Variants in IL18 observed in about 807,000 individuals in gnomAD.
IL18 encodes the protein interleukin 18.
A neutral mutation model predicts 14.2 loss-of-function variants in IL18; 8 were observed. The ratio of observed to expected loss-of-function variants is 0.56; its 90% CI spans 0.33 to 1.01. The LOEUF (loss-of-function observed/expected upper bound fraction) is 1.01, where lower values mean the gene tolerates loss of function less well. IL18 is among the 50% of genes least tolerant of loss of function. The probability of loss-of-function intolerance (pLI) is 0.03; values close to 1 mark genes in which losing one functional copy is unlikely to be tolerated. For missense variants in IL18, 166 were observed against 231.1 expected (o/e 0.72, Z 1.83); for synonymous variants, 67 against 71.0 (o/e 0.94, Z 0.28).
intron 5 of IL18, among the ~76,000 whole-genome samples, 196 bp downstream of exon 5, chr11:112,148,407 A>G (rs1866377737): frequency 6.6e-6 from 1 of 152,168 alleles, no homozygotes; most frequent in South Asian, 2.1e-4. Context: ...ATAGGTAAAG[A>G]GTTTGATAAT....
chr11:112,158,631 T>A (rs1866576304), intron 1 of IL18, among the ~76,000 whole-genome samples: 1 of 143,630 alleles, frequency 7.0e-6, no homozygotes, highest in Non-Finnish European at 1.5e-5. Flanking sequence ...ATAACCTGTA[T>A]GTCTGAAGAA....
chr11:112,148,235 C>T (rs1866375235), intron 5 of IL18, among the ~76,000 whole-genome samples: 2 of 152,154 alleles, frequency 1.3e-5, no homozygotes, highest in Admixed American at 1.3e-4. Flanking sequence ...CATAGCAGAA[C>T]TCATTCTGGA....
chr11:112,144,112 G>A (rs1480472884), intron 5 of IL18, among the ~76,000 whole-genome samples: 2 of 152,198 alleles, frequency 1.3e-5, no homozygotes, highest in African/African-American at 4.8e-5. Context: ...TCAAGATTAA[G>A]TAGAGTTCCA....
intron 1 of IL18, among the ~76,000 whole-genome samples, chr11:112,163,561 C>G (rs1206263420): frequency 2.0e-5 from 3 of 151,486 alleles, no homozygotes; most frequent in Non-Finnish European, 4.4e-5. Context: ...AGTTAAAACA[C>G]TTGTAAAAAT....
chr11:112,151,607 C>A (rs1042364840), intron 3 of IL18, among the ~76,000 whole-genome samples: 1 of 152,186 alleles, frequency 6.6e-6, no homozygotes, highest in Admixed American at 6.6e-5. Context: ...AAGCTTTTAG[C>A]AAGAATTATC....
chr11:112,163,684 T>G (rs1354234492), intron 1 of IL18, among the ~76,000 whole-genome samples: 1 of 152,188 alleles, frequency 6.6e-6, no homozygotes, highest in Admixed American at 6.5e-5. Context: ...AAAGGGAACA[T>G]GAGAGCAAAA....
chr11:112,149,989 A>G, intron 4 of IL18, 83 bp downstream of exon 4: 1 of 1,207,068 alleles, frequency 8.3e-7, no homozygotes, highest in Non-Finnish European at 1.2e-6. Context: ...GAGGATTGGG[A>G]CTAGCACGGA....
At chr11:112,162,908 C>G (rs549237238) in intron 1 of IL18, among the ~76,000 whole-genome samples, 1 of 152,110 alleles carries the variant, frequency 6.6e-6, no homozygotes, top group Non-Finnish European at 1.5e-5. Flanking sequence ...TCCTCAGCAT[C>G]CTGAGTAGTT....
rs185113636 is a variant in IL18 at position 112,148,035 on chromosome 11, A to G, written c.360+568T>C. ...TACCTGGCTTGAAGATAATTATAGC[A>G]TTACTTTTACAGCTGATCTCATAAC... On this transcript the variant is annotated intron_variant, in intron 5 of 5. Transcript: ENST00000280357. Among the ~76,000 whole-genome samples the G allele has an allele frequency of 5.3e-5, 8 of 152,368 alleles. No homozygotes were observed. The East Asian group carries it at 1.5e-3, about 29-fold the overall frequency.
intron 1 of IL18, among the ~76,000 whole-genome samples, chr11:112,155,772 C>T (rs1866521301): frequency 6.6e-6 from 1 of 152,148 alleles, no homozygotes; most frequent in South Asian, 2.1e-4. Context: ...ATACGGTGTG[C>T]AGGCTTCCAG....
rs2135318886 is a variant in IL18, at chr11:112,154,971, T to G, written c.79+4A>C. ...TGGTATTTGTTCTATGGCATTAGCCTTACCTATAAAGTAAAGCGTATTGTC... is the reference window on the plus strand; with the variant it reads ...TGGTATTTGTTCTATGGCATTAGCCGTACCTATAAAGTAAAGCGTATTGTC... On this transcript the variant is annotated splice_donor_region_variant and intron_variant, in intron 2 of 5. Transcript: ENST00000280357. 6.3e-7 allele frequency: 1 copy of G among 1,576,370 alleles called. No individual in the cohort carries two copies. The highest frequency in any genetic ancestry group is 2.2e-5 in the East Asian group (1 of 44,654).
In IL18 at chr11:112,150,184, A is replaced by G. The variant is rs775577498; in HGVS notation, c.114T>C (p.Phe38=). ...EDDENLESDY[F]GKLESKLSVI... ...CTGATAATTTAGATTCAAGCTTGCC[A>G]AAGTAATCTGATTCCAGGTTTTCTA... The change falls in exon 4 of 6, where the codon TTT becomes TTC. Residue 38 remains phenylalanine, a synonymous_variant. Coordinates refer to ENST00000280357, the MANE Select transcript of IL18 (RefSeq NM_001562.4). 1.3e-6 allele frequency: 2 copies of G among 1,579,246 alleles called. No individual in the cohort carries two copies. Among genetic ancestry groups the G allele is most frequent in the East Asian group, 2.2e-5 (1 of 44,702 alleles).
rs1236174019 is a variant in IL18, at chr11:112,163,455, CA to C, written c.-9+450del. Among the ~76,000 whole-genome samples, 9 of 152,168 alleles carry C rather than the reference CA, an allele frequency of 5.9e-5. No homozygotes were observed. In the East Asian group the frequency reaches 1.7e-3, roughly 29 times the overall value. On this transcript the variant is annotated intron_variant, in intron 1 of 5. Transcript: ENST00000280357. ...CACTCATTCTCTCATGAGTGTACAACAGAGTTTACCAGAGGCTACATTCTGT... is the reference window on the plus strand; with the variant it reads ...CACTCATTCTCTCATGAGTGTACAACGAGTTTACCAGAGGCTACATTCTGT...
intron 5 of IL18, among the ~76,000 whole-genome samples, chr11:112,145,663 C>T (rs921366502): frequency 2.6e-5 from 4 of 151,692 alleles, no homozygotes; most frequent in Non-Finnish European, 5.9e-5. Flanking sequence ...GGCGTGAACC[C>T]GGGAGGCAGA....
chr11:112,154,908 C>T, intron 2 of IL18, 67 bp downstream of exon 2: 1 of 1,010,694 alleles, frequency 9.9e-7, no homozygotes. Context: ...TAGTTCACCT[C>T]ACAACATCTT....
At chr11:112,157,026 A>C (rs1310546536) in intron 1 of IL18, among the ~76,000 whole-genome samples, 1 of 152,130 alleles carries the variant, frequency 6.6e-6, no homozygotes, top group Non-Finnish European at 1.5e-5. Context: ...AATATTAAAA[A>C]TCAGAACAAT....
chr11:112,147,823 T>A (rs1458636407), intron 5 of IL18, among the ~76,000 whole-genome samples: 2 of 152,012 alleles, frequency 1.3e-5, no homozygotes, highest in Non-Finnish European at 2.9e-5. Context: ...TCAAAAAGAG[T>A]CTTCATGACA....
Position 112,146,926 on chromosome 11 carries a change from A to AC in IL18, c.360+1676dup, listed in dbSNP as rs1866353428. On this transcript the variant is annotated intron_variant, in intron 5 of 5. Coordinates refer to ENST00000280357, the MANE Select transcript of IL18 (RefSeq NM_001562.4). ...TTAAGCTTATGCCTTTGGTAATTTT[A>AC]CTTTTTTTTTTTTTTTTTTTTGAGA... is the stretch of plus-strand genomic sequence containing the variant. Among the ~76,000 whole-genome samples, 5 of 117,112 alleles carry AC rather than the reference A, an allele frequency of 4.3e-5. No individual in the cohort carries two copies. The South Asian group carries it at 1.1e-3, about 25-fold the overall frequency. 76.8% of individuals were successfully genotyped at this position (117,112 alleles called of 152,430 possible).
At chr11:112,162,192 A>C (rs1219744414) in intron 1 of IL18, among the ~76,000 whole-genome samples, 2 of 152,164 alleles carry the variant, frequency 1.3e-5, no homozygotes, top group Non-Finnish European at 2.9e-5. Flanking sequence ...TAAATGGCCT[A>C]GTTTGAAAAG....
Sources: gnomAD v4.1 joint callset for allele counts (sites outside exome capture counted in the v4.1 genomes callset) on GRCh38, gnomAD v4.1.1 for gene constraint, MANE v1.5 for transcripts, NCBI Gene and HGNC (gene_info 2026-07-23, HGNC 2026-07-21) for gene names.